AK5: variants seen among roughly 807,000 people sequenced by gnomAD.
The protein encoded by AK5 is adenylate kinase 5, also known as adenylate kinase isoenzyme 5.
A neutral mutation model predicts 69.5 loss-of-function variants in AK5; 27 were observed. The ratio of observed to expected loss-of-function variants is 0.39; its 90% confidence interval spans 0.29 to 0.54. The LOEUF (loss-of-function observed/expected upper bound fraction) is 0.54, where lower values mean the gene tolerates loss of function less well. Among genes scored for constraint, AK5 ranks in the 20% least tolerant of loss-of-function variants. The probability of loss-of-function intolerance (pLI) is 0.71; values close to 1 mark genes in which losing one functional copy is unlikely to be tolerated. For missense variants in AK5, 531 were observed against 700.4 expected (o/e 0.76, Z 2.73); for synonymous variants, 260 against 244.4 (o/e 1.06, Z -0.60).
At chr1:77,554,409 G>A (rs1254547463) in intron 13 of AK5, among the ~76,000 whole-genome samples, 1 of 152,140 alleles carries the variant, frequency 6.6e-6, no homozygotes, top group African/African-American at 2.4e-5. Flanking sequence ...CATCCAGGCT[G>A]GAACCAGACC....
intron 6 of AK5, among the ~76,000 whole-genome samples, chr1:77,380,544 A>G (rs1647557688): frequency 6.6e-6 from 1 of 152,214 alleles, no homozygotes; most frequent in African/African-American, 2.4e-5. Flanking sequence ...CCCAGTGGAA[A>G]ACTGTGAACA....
Position 77,340,407 on chromosome 1 carries a change from G to T in AK5, c.730G>T (p.Ala244Ser). The T allele has an allele frequency of 6.2e-7, 1 of 1,613,998 alleles. No individual in the cohort carries two copies. Among genetic ancestry groups the T allele is most frequent in the East Asian group, 2.2e-5 (1 of 44,880 alleles). The change falls in exon 6 of 14, where the codon GCT becomes TCT. Residue 244 changes from alanine to serine, a missense_variant. Transcript: ENST00000354567. ...ICTPDLVVFL[A>S]CANQRLKERL... ...TACCCCCGATTTGGTGGTATTCCTG[G>T]CTTGTGCTAATCAGAGACTCAAAGA... is the stretch of plus-strand genomic sequence containing the variant.
intron 6 of AK5, among the ~76,000 whole-genome samples, chr1:77,379,568 G>A (rs942060061): frequency 3.9e-5 from 6 of 152,174 alleles, no homozygotes; most frequent in Admixed American, 3.9e-4. Context: ...TGCAGGAAAC[G>A]TAAGGGTGAA....
At chr1:77,409,307 G>C (rs1215205307) in intron 6 of AK5, among the ~76,000 whole-genome samples, 1 of 152,150 alleles carries the variant, frequency 6.6e-6, no homozygotes, top group Non-Finnish European at 1.5e-5. Flanking sequence ...TCAAATGGTA[G>C]TTCTGCTTTT....
At chr1:77,382,831 T>C (rs1168866140) in intron 6 of AK5, among the ~76,000 whole-genome samples, 1 of 152,204 alleles carries the variant, frequency 6.6e-6, no homozygotes, top group African/African-American at 2.4e-5. Context: ...TGGATGTTAT[T>C]GTTAATAATA....
intron 8 of AK5, among the ~76,000 whole-genome samples, chr1:77,476,622 T>C (rs910759274): frequency 2.6e-5 from 4 of 152,186 alleles, no homozygotes; most frequent in Non-Finnish European, 4.4e-5. Flanking sequence ...CCTGCACTTA[T>C]GTATCATCTC....
chr1:77,517,430 C>G (rs1173045595), intron 10 of AK5, among the ~76,000 whole-genome samples: 1 of 152,182 alleles, frequency 6.6e-6, no homozygotes, highest in African/African-American at 2.4e-5. Context: ...CCTAGGCTTG[C>G]TACTCACTAG....
intron 5 of AK5, among the ~76,000 whole-genome samples, chr1:77,308,243 G>A (rs1298678936): frequency 6.6e-6 from 1 of 151,908 alleles, no homozygotes; most frequent in Non-Finnish European, 1.5e-5. Context: ...CTCAGCCCAA[G>A]AGCTGGACTC....
intron 10 of AK5, among the ~76,000 whole-genome samples, chr1:77,513,320 A>G (rs913150690): frequency 3.9e-5 from 6 of 152,158 alleles, no homozygotes; most frequent in African/African-American, 1.4e-4. Flanking sequence ...CATAGAACCT[A>G]TCACACTGCT....
intron 1 of AK5, chr1:77,283,121 G>A (rs556238651): frequency 1.3e-5 from 13 of 985,788 alleles, no homozygotes; most frequent in Admixed American, 6.1e-5. Context: ...CATCTGCACC[G>A]GGACCCGGGA....
chr1:77,327,022 C>T (rs936745659), intron 5 of AK5, among the ~76,000 whole-genome samples: 4 of 152,110 alleles, frequency 2.6e-5, no homozygotes, highest in African/African-American at 9.7e-5. Context: ...GCAATCATTC[C>T]TATAGTCAAT....
At chr1:77,324,473 A>G (rs1660694026) in intron 5 of AK5, among the ~76,000 whole-genome samples, 2 of 152,116 alleles carry the variant, frequency 1.3e-5, no homozygotes, top group African/African-American at 4.8e-5. Context: ...ACCACATTCA[A>G]ATTGCAACGA....
In AK5 at chr1:77,284,381, A is replaced by G. The variant is rs72677855; in HGVS notation, c.60+2008A>G. ...AATTAGCTGTCTACTAAACACCAAGACATTGGCCCCAGCTGTGGATTTTAG... is the reference window on the plus strand; with the variant it reads ...AATTAGCTGTCTACTAAACACCAAGGCATTGGCCCCAGCTGTGGATTTTAG... On this transcript the variant is annotated intron_variant, in intron 1 of 13. Coordinates refer to ENST00000354567, the MANE Select transcript of AK5 (RefSeq NM_174858.3). 6.5e-3 allele frequency among the ~76,000 whole-genome samples: 990 copies of G among 152,376 alleles called. 2 individuals are homozygous for G. Among genetic ancestry groups the G allele is most frequent in the South Asian group, 0.011 (51 of 4,826 alleles).
At chr1:77,383,152 G>A (rs931309303) in intron 6 of AK5, among the ~76,000 whole-genome samples, 4 of 152,050 alleles carry the variant, frequency 2.6e-5, no homozygotes, top group South Asian at 2.1e-4. Context: ...GATTAAAGTC[G>A]TACATTTTTC....
At chr1:77,404,443 A>G (rs994252298) in intron 6 of AK5, among the ~76,000 whole-genome samples, 2 of 152,038 alleles carry the variant, frequency 1.3e-5, no homozygotes, top group African/African-American at 2.4e-5. Context: ...CAAGTGAGAA[A>G]AAAAGGTTGA....
intron 5 of AK5, among the ~76,000 whole-genome samples, chr1:77,306,494 G>GTTTTTTTTTTTTTT (rs869202567): frequency 1.7e-5 from 2 of 120,364 alleles, no homozygotes; most frequent in African/African-American, 3.1e-5. Context: ...GTTTTTTTTT[G>GTTTTTTTTTTTTTT]TTTTTTTTTT....
intron 5 of AK5, among the ~76,000 whole-genome samples, chr1:77,328,460 G>A (rs771661309): frequency 6.6e-6 from 1 of 151,258 alleles, no homozygotes; most frequent in Non-Finnish European, 1.5e-5. Context: ...AGATCGCACC[G>A]TTGCACTCCC....
chr1:77,470,875 ATTTTT>A (rs149758544), intron 8 of AK5, among the ~76,000 whole-genome samples: 1 of 74,970 alleles, frequency 1.3e-5, no homozygotes, highest in African/African-American at 6.7e-5. Context: ...ATATATATAT[ATTTTT>A]TTTTTTTTTT....
chr1:77,533,532 AAAAC>A, intron 12 of AK5, among the ~76,000 whole-genome samples: 1 of 144,316 alleles, frequency 6.9e-6, no homozygotes, highest in African/African-American at 2.5e-5. Flanking sequence ...AAAAAAAAAA[AAAAC>A]AGATTCTGCT....
Sources: allele counts gnomAD v4.1 joint callset (sites outside exome capture counted in the v4.1 genomes callset), GRCh38; gene constraint gnomAD v4.1.1; transcripts MANE v1.5; gene names NCBI Gene and HGNC (gene_info 2026-07-23, HGNC 2026-07-21).